Variants in PDSS2 observed in about 807,000 individuals in gnomAD.
PDSS2 encodes decaprenyl diphosphate synthase subunit 2, also known as all trans-polyprenyl-diphosphate synthase PDSS2.
In PDSS2, 31 loss-of-function variants were observed where a neutral mutation model predicts 44.5. The observed-to-expected ratio is 0.70, with a 90% CI of 0.52 to 0.94. PDSS2 has a LOEUF of 0.94. Ranked by LOEUF, PDSS2 falls within the 40% of genes least tolerant of loss-of-function variation. The pLI is 0.00. For synonymous variants in PDSS2, 157 were observed against 180.3 expected, an observed-to-expected ratio of 0.87 and a Z score of 1.03; for missense variants, 452 against 482.2, an observed-to-expected ratio of 0.94 and a Z score of 0.59.
intron 7 of PDSS2, among the ~76,000 whole-genome samples, chr6:107,170,069 G>A (rs542882135): frequency 4.6e-5 from 7 of 152,258 alleles, no homozygotes; most frequent in African/African-American, 1.7e-4. Flanking sequence ...ATGCCCTGCC[G>A]CCAGAGGTGG....
At position 107,459,516 on chromosome 6, in the gene PDSS2, G is replaced by A. The variant is rs1562557396; in HGVS notation, c.-231C>T. 1 of 573,800 alleles carries A rather than the reference G, an allele frequency of 1.7e-6. No individual in the cohort carries two copies. The highest frequency in any genetic ancestry group is 3.1e-6 in the Non-Finnish European group (1 of 322,524). The allele number at this position is 573,800 out of a possible 1,614,324, so 35.5% of individuals were successfully genotyped here. A position where few individuals can be genotyped will look rare whatever the true frequency, so the allele number is the denominator to read the frequency against. ...TCAGCACTGCCCCCGGCCACCCGGG[G>A]TAGAAACCACAGCCACTGCCTATGT... On this transcript the variant is annotated 5_prime_UTR_variant, in exon 1 of 8. Transcript: ENST00000369037. The surrounding 1 kb of genome is among the most constrained non-coding windows in gnomAD (Gnocchi z 4.3).
chr6:107,403,515 T>G (rs2114609047), intron 1 of PDSS2, among the ~76,000 whole-genome samples: 1 of 152,348 alleles, frequency 6.6e-6, no homozygotes, highest in Non-Finnish European at 1.5e-5. Flanking sequence ...CTTTGGGTGG[T>G]GGCTCTGACC....
At chr6:107,351,162 T>C (rs1778424436) in intron 1 of PDSS2, among the ~76,000 whole-genome samples, 2 of 152,184 alleles carry the variant, frequency 1.3e-5, no homozygotes, top group South Asian at 4.1e-4. Context: ...TTGAGGACAA[T>C]GATAAAAGAT....
At chr6:107,266,370 A>C (rs1303826680) in intron 3 of PDSS2, among the ~76,000 whole-genome samples, 3 of 150,862 alleles carry the variant, frequency 2.0e-5, no homozygotes, top group Non-Finnish European at 4.4e-5. Flanking sequence ...TTTCACAAAA[A>C]GTGAACCCCT....
chr6:107,264,397 T>C, intron 3 of PDSS2: 4 of 1,547,928 alleles, frequency 2.6e-6, no homozygotes, highest in Non-Finnish European at 3.5e-6. Flanking sequence ...TAATGCTTAA[T>C]AGAACAACCT....
At chr6:107,198,157 A>G (rs1772632758) in intron 6 of PDSS2, among the ~76,000 whole-genome samples, 1 of 152,202 alleles carries the variant, frequency 6.6e-6, no homozygotes, top group Non-Finnish European at 1.5e-5. Context: ...CCTGTGCTTA[A>G]TCACAACTTA....
At chr6:107,236,182 CTGT>C (rs1252559634) in intron 4 of PDSS2, among the ~76,000 whole-genome samples, 1 of 152,106 alleles carries the variant, frequency 6.6e-6, no homozygotes, top group African/African-American at 2.4e-5. Flanking sequence ...AGTAGCTTTC[CTGT>C]TGAAAATAAT....
chr6:107,172,897 A>T (rs1282957112), intron 7 of PDSS2, among the ~76,000 whole-genome samples: 1 of 151,554 alleles, frequency 6.6e-6, no homozygotes, highest in East Asian at 2.0e-4. Context: ...AGGCCGAGGC[A>T]GGCAGATCAC....
intron 1 of PDSS2, among the ~76,000 whole-genome samples, chr6:107,427,385 CG>C (rs1219641316): frequency 6.6e-6 from 1 of 152,128 alleles, no homozygotes; most frequent in African/African-American, 2.4e-5. Flanking sequence ...TTCCCAGTCT[CG>C]GGTATGTCTT....
At chr6:107,173,615 C>T (rs1332559884) in intron 7 of PDSS2, among the ~76,000 whole-genome samples, 1 of 122,322 alleles carries the variant, frequency 8.2e-6, no homozygotes, top group Non-Finnish European at 1.6e-5. Flanking sequence ...AACAGGAAAG[C>T]AGTCTCTAGT....
intron 2 of PDSS2, among the ~76,000 whole-genome samples, chr6:107,320,123 T>C (rs745878300): frequency 5.9e-5 from 9 of 152,150 alleles, no homozygotes; most frequent in Middle Eastern, 3.4e-3. Context: ...CATTTTTACA[T>C]AGCCTGCTGC....
At chr6:107,439,929 G>A (rs1454620804) in intron 1 of PDSS2, among the ~76,000 whole-genome samples, 1 of 152,112 alleles carries the variant, frequency 6.6e-6, no homozygotes, top group African/African-American at 2.4e-5. Flanking sequence ...CAAGAAGAGA[G>A]TACTAATAAG....
chr6:107,312,680 T>C (rs374956071), intron 2 of PDSS2, among the ~76,000 whole-genome samples: 1 of 152,150 alleles, frequency 6.6e-6, no homozygotes. Context: ...CTATGCTTCA[T>C]GGACAGGACA....
At chr6:107,176,854 A>G (rs1452538139) in intron 7 of PDSS2, among the ~76,000 whole-genome samples, 1 of 152,128 alleles carries the variant, frequency 6.6e-6, no homozygotes, top group African/African-American at 2.4e-5. Flanking sequence ...TATAGTTTAA[A>G]TAATTTTACT....
intron 1 of PDSS2, among the ~76,000 whole-genome samples, chr6:107,366,306 A>C (rs1215841028): frequency 6.6e-6 from 1 of 152,186 alleles, no homozygotes; most frequent in Non-Finnish European, 1.5e-5. Flanking sequence ...AATCATTTAA[A>C]AAATTTTAAA....
At chr6:107,404,475 A>G (rs1167713004) in intron 1 of PDSS2, among the ~76,000 whole-genome samples, 1 of 152,188 alleles carries the variant, frequency 6.6e-6, no homozygotes, top group Non-Finnish European at 1.5e-5. Flanking sequence ...ATAAAGACAT[A>G]TCTGAGACTG....
At chr6:107,212,370 G>A (rs1294997994) in intron 4 of PDSS2, 88 bp from the exon 5 acceptor site, 23 of 1,087,248 alleles carry the variant, frequency 2.1e-5, no homozygotes, top group South Asian at 2.9e-5. Flanking sequence ...GTTAAGAAAC[G>A]AACTATTCAA....
intron 4 of PDSS2, among the ~76,000 whole-genome samples, chr6:107,242,055 T>C (rs774724964): frequency 5.9e-5 from 9 of 152,070 alleles, no homozygotes; most frequent in East Asian, 3.9e-4. Flanking sequence ...GCATCTGAAG[T>C]ACTTCTTGCG....
intron 2 of PDSS2, among the ~76,000 whole-genome samples, chr6:107,333,684 TACC>T (rs1338370015): frequency 6.6e-6 from 1 of 152,118 alleles, no homozygotes; most frequent in Non-Finnish European, 1.5e-5. Flanking sequence ...TACAGGCACA[TACC>T]ACCACAACTA....
Sources: gnomAD v4.1 joint callset for allele counts (sites outside exome capture counted in the v4.1 genomes callset) on GRCh38, gnomAD v4.1.1 for gene constraint, Gnocchi (gnomAD v3.1) non-coding constraint, MANE v1.5 for transcripts, NCBI Gene and HGNC (gene_info 2026-07-23, HGNC 2026-07-21) for gene names.